Variants in USP39 observed in about 807,000 individuals in gnomAD.
USP39 encodes the protein ubiquitin specific peptidase 39.
In USP39, 38 loss-of-function variants were observed where a neutral mutation model predicts 66.4. The observed-to-expected ratio is 0.57, with a 90% CI of 0.44 to 0.75. USP39 has a LOEUF of 0.75. Ranked by LOEUF, USP39 falls within the 30% of genes least tolerant of loss-of-function variation. The pLI is 0.00. For missense variants in USP39, 608 were observed against 714.4 expected, an observed-to-expected ratio of 0.85 and a Z score of 1.70; for synonymous variants, 303 against 274.6, an observed-to-expected ratio of 1.10 and a Z score of -1.02.
At chr2:85,617,578 G>A (rs1014435856) in intron 1 of USP39, among the ~76,000 whole-genome samples, 1 of 152,174 alleles carries the variant, frequency 6.6e-6, no homozygotes, top group African/African-American at 2.4e-5. Context: ...GCTCACACCT[G>A]TAATCGCAGC....
chr2:85,631,007 C>T (rs1035211449), intron 6 of USP39, 61 bp downstream of exon 6: 6 of 1,547,472 alleles, frequency 3.9e-6, no homozygotes, highest in African/African-American at 2.8e-5. Context: ...AAATTTATTT[C>T]CACTTGGCAG....
chr2:85,635,927 G>A, intron 6 of USP39, 126 bp from the exon 7 acceptor site: 1 of 831,980 alleles, frequency 1.2e-6, no homozygotes, highest in East Asian at 2.4e-5. Flanking sequence ...AGGATGCACG[G>A]CAGTTGGGAT....
At chr2:85,616,970 G>A (rs1292526266) in intron 1 of USP39, among the ~76,000 whole-genome samples, 1 of 152,048 alleles carries the variant, frequency 6.6e-6, no homozygotes, top group Non-Finnish European at 1.5e-5. Flanking sequence ...GATTACAGGC[G>A]TGAACCACCG....
At chr2:85,611,992 CG>C, upstream of USP39, 1 of 1,520,348 alleles carries the variant, frequency 6.6e-7, no homozygotes, top group Non-Finnish European at 8.7e-7. Flanking sequence ...CATCAGGAGC[CG>C]GGGACGCAGA....
rs151043919 is a variant in USP39 at position 85,619,250 on chromosome 2, G to A, written c.299G>A (p.Arg100Gln). Reference protein sequence around the residue: ...AKNGRVDSEDRRSRHCPYLDT... With the variant: ...AKNGRVDSEDQRSRHCPYLDT... The stretch of plus-strand genomic sequence containing the variant: ...AATGGCCGAGTGGATTCTGAGGACC[G>A]GAGGAGCCGCCACTGCCCGTACCTG... Residue 100 changes from arginine to glutamine, a missense_variant, in exon 2 of 13, where the codon CGG becomes CAG. Coordinates refer to ENST00000323701, the MANE Select transcript of USP39 (RefSeq NM_006590.4). 7.5e-4 allele frequency: 1,204 copies of A among 1,613,590 alleles called. 2 individuals are homozygous for A. Among genetic ancestry groups the A allele is most frequent in the Non-Finnish European group, 9.1e-4 (1,076 of 1,179,904 alleles).
chr2:85,611,918 G>A (rs933649291), upstream of USP39: 79 of 1,590,808 alleles, frequency 5.0e-5, no homozygotes, highest in Non-Finnish European at 6.6e-5. Context: ...ACGAAGCCGT[G>A]GTTCATGTCC....
chr2:85,631,730 T>TTTTTGTTTTG (rs955411421), intron 6 of USP39, among the ~76,000 whole-genome samples: 1 of 152,014 alleles, frequency 6.6e-6, no homozygotes, highest in African/African-American at 2.4e-5. Context: ...TCTGATGATA[T>TTTTTGTTTTG]TTTTGTTTTG....
chr2:85,630,731 A>ATGT lies in USP39; in HGVS notation c.736_738dup (p.Val246dup). ...GTGTTTGATTTTTAGGCTCTATCTA[A>ATGT]TGTTCCTCCTCTCCGGAACTACTTT... On this transcript the variant is annotated inframe_insertion, in exon 6 of 13. Transcript: ENST00000323701. The ATGT allele has an allele frequency of 6.2e-7, 1 of 1,614,158 alleles. No individual in the cohort carries two copies. Among genetic ancestry groups the ATGT allele is most frequent in the Non-Finnish European group, 8.5e-7 (1 of 1,180,022 alleles).
chr2:85,625,713 T>G (rs779748631), intron 5 of USP39, 22 bp downstream of exon 5: 9 of 1,606,314 alleles, frequency 5.6e-6, no homozygotes, highest in Non-Finnish European at 5.1e-6. Context: ...ACGGGAACAT[T>G]GAGGAAGAGA....
At chr2:85,638,745 C>T (rs1675994624) in intron 8 of USP39, among the ~76,000 whole-genome samples, 1 of 151,944 alleles carries the variant, frequency 6.6e-6, no homozygotes, top group Admixed American at 6.6e-5. Context: ...CCGTGTTGGT[C>T]ACGTTGGTCT....
At chr2:85,615,004 G>GGTGTGGTGTGGTGT (rs1673817427), upstream of USP39, among the ~76,000 whole-genome samples, 1 of 151,240 alleles carries the variant, frequency 6.6e-6, no homozygotes, top group South Asian at 2.1e-4. Context: ...GGTGTGGTGT[G>GGTGTGGTGTGGTGT]GTGTGGTGTG....
At chr2:85,641,733 C>T (rs967518453) in intron 10 of USP39, among the ~76,000 whole-genome samples, 3 of 151,668 alleles carry the variant, frequency 2.0e-5, no homozygotes, top group African/African-American at 7.3e-5. Context: ...AAAACCCCAT[C>T]TCTACAAAAA....
upstream of USP39, among the ~76,000 whole-genome samples, chr2:85,615,501 T>C (rs1487758161): frequency 1.3e-5 from 2 of 152,130 alleles, no homozygotes; most frequent in Non-Finnish European, 2.9e-5. Flanking sequence ...AAAGTAGAAT[T>C]AGGGCTGTCA....
In USP39 at chr2:85,625,695, A is replaced by G; in HGVS notation, c.723+4A>G. On this transcript the variant is annotated splice_donor_region_variant and intron_variant, in intron 5 of 12. Transcript: ENST00000323701. ...TTATGCCAACGCTGTCCTTCAGGTA[A>G]GATCAAGACGGGAACATTGAGGAAG... The G allele has an allele frequency of 6.2e-7, 1 of 1,611,088 alleles. No individual in the cohort carries two copies. Among genetic ancestry groups the G allele is most frequent in the Non-Finnish European group, 8.5e-7 (1 of 1,177,806 alleles).
intron 3 of USP39, among the ~76,000 whole-genome samples, chr2:85,623,356 T>A (rs1328675791): frequency 6.8e-6 from 1 of 146,830 alleles, no homozygotes; most frequent in Non-Finnish European, 1.5e-5. Flanking sequence ...TATATATAGA[T>A]ATATATATAG....
chr2:85,619,177 A>G lies in USP39; in HGVS notation c.269-43A>G, dbSNP rs202115306. On this transcript the variant is annotated intron_variant, in intron 1 of 12. Transcript: ENST00000323701. The stretch of plus-strand genomic sequence containing the variant: ...TTTGTTCTGTTAGTTGGCCCTGAGT[A>G]TAGGTTTCCCATTTTCAAAGCCTGT... 1.0e-4 allele frequency: 161 copies of G among 1,606,280 alleles called. No homozygotes were observed. In the African/African-American group the frequency reaches 1.9e-3, roughly 19 times the overall value.
chr2:85,616,664 A>G (rs917026418), intron 1 of USP39, among the ~76,000 whole-genome samples: 2 of 141,424 alleles, frequency 1.4e-5, no homozygotes, highest in African/African-American at 5.3e-5. Context: ...ATAATCGTAT[A>G]GTATTTCTTT....
chr2:85,616,158 C>T (rs1673908498), upstream of USP39: 4 of 1,396,424 alleles, frequency 2.9e-6, no homozygotes, highest in Non-Finnish European at 3.7e-6. Flanking sequence ...CTCGAGCGTG[C>T]TTGGCGCCTG....
chr2:85,643,390 T>C (rs1486265373), intron 10 of USP39, among the ~76,000 whole-genome samples: 1 of 151,672 alleles, frequency 6.6e-6, no homozygotes, highest in Admixed American at 6.6e-5. Context: ...CTCGGGAGGC[T>C]GAGACAGGAG....
Sources: gnomAD v4.1 joint callset for allele counts (sites outside exome capture counted in the v4.1 genomes callset) on GRCh38, gnomAD v4.1.1 for gene constraint, MANE v1.5 for transcripts, NCBI Gene and HGNC (gene_info 2026-07-23, HGNC 2026-07-21) for gene names.